Variants in COX19 observed in about 807,000 individuals in gnomAD.
COX19 encodes the protein cytochrome c oxidase assembly protein COX19.
Under a neutral mutation model 6.8 loss-of-function variants are expected in COX19, and 8 were observed. The observed-to-expected ratio is 1.18, with a 90% confidence interval of 0.69 to 2.12. The LOEUF is 2.12. Among genes scored for constraint, COX19 ranks in the 30% most tolerant of loss-of-function variants. The pLI is 0.00. For missense variants in COX19, 131 were observed against 104.6 expected (o/e 1.25, Z -1.10); for synonymous variants, 51 against 38.0 (o/e 1.34, Z -1.26).
chr7:974,627 A>C (rs557379802), intron 1 of COX19, among the ~76,000 whole-genome samples: 2 of 152,292 alleles, frequency 1.3e-5, no homozygotes, highest in African/African-American at 4.8e-5. Context: ...TTGGGAAAGA[A>C]ACAGTAATTC....
chr7:966,933 G>A lies in COX19; in HGVS notation c.*2445C>T, dbSNP rs758574908. 1 of 152,230 alleles carries A rather than the reference G, an allele frequency of 6.6e-6. No homozygotes were observed. The highest frequency in any genetic ancestry group is 1.5e-5 in the Non-Finnish European group (1 of 68,076). 9.4% of individuals were successfully genotyped at this position (152,230 alleles called of 1,614,324 possible). On this transcript the variant is annotated 3_prime_UTR_variant, in exon 3 of 3. Coordinates refer to ENST00000344111, the MANE Select transcript of COX19 (RefSeq NM_001031617.3). The stretch of plus-strand genomic sequence containing the variant: ...TGATCAGACCAGCCATCGCGGTGAT[G>A]TGGTGCTTGGGTCCAAGAAGCTTTT...
At position 964,852 on chromosome 7, in the gene COX19, T is replaced by C. The variant is rs1444339156; in HGVS notation, c.*4526A>G. ...GAACGCTTGGAAAACGCTCTGGAAA[T>C]TGTCTTTGGGAGCCTTTTAATAATG... On this transcript the variant is annotated 3_prime_UTR_variant, in exon 3 of 3. Transcript: ENST00000344111. Among the ~76,000 whole-genome samples the C allele has an allele frequency of 6.6e-6, 1 of 152,236 alleles. No homozygotes were observed. The highest frequency in any genetic ancestry group is 2.4e-5 in the African/African-American group (1 of 41,460).
chr7:973,219 T>C lies in COX19; in HGVS notation c.156A>G (p.Arg52=), dbSNP rs1847659090. 2.5e-6 allele frequency: 4 copies of C among 1,605,918 alleles called. No homozygotes were observed. Among genetic ancestry groups the C allele is most frequent in the Non-Finnish European group, 3.4e-6 (4 of 1,176,570 alleles). The stretch of plus-strand genomic sequence containing the variant: ...ATTCTAAATATTCTTTTGATTCCTT[T>C]CTGCACAAAGCATTTTCAAAATTAT... ...HNNNFENALC[R]KESKEYLECR... is the part of the protein sequence containing the mutation. Residue 52 remains arginine, a synonymous_variant, in exon 2 of 3, where the codon AGA becomes AGG. Coordinates refer to ENST00000344111, the MANE Select transcript of COX19 (RefSeq NM_001031617.3).
intron 2 of COX19, among the ~76,000 whole-genome samples, chr7:971,637 C>T (rs1487132427): frequency 3.9e-5 from 6 of 152,014 alleles, no homozygotes; most frequent in East Asian, 1.9e-4. Flanking sequence ...TTTGGGAGGC[C>T]GAGGTGGGCG....
At position 967,673 on chromosome 7, in the gene COX19, G is replaced by C. The variant is rs908041594; in HGVS notation, c.*1705C>G. The stretch of plus-strand genomic sequence containing the variant: ...TCACATCCTGGTTCATTTACTTTTT[G>C]AGCATGTGAAACCCTCTGCCATGAC... On this transcript the variant is annotated 3_prime_UTR_variant, in exon 3 of 3. Coordinates refer to ENST00000344111, the MANE Select transcript of COX19 (RefSeq NM_001031617.3). 6.6e-6 allele frequency: 1 copy of C among 152,302 alleles called. No homozygotes were observed. Among genetic ancestry groups the C allele is most frequent in the African/African-American group, 2.4e-5 (1 of 41,472 alleles). The allele number at this position is 152,302 out of a possible 1,614,324, so 9.4% of individuals were successfully genotyped here.
At position 969,394 on chromosome 7, in the gene COX19, G is replaced by C. The variant is rs370640497; in HGVS notation, c.257C>G (p.Ser86Ter). The change falls in exon 3 of 3, where the codon TCA becomes TGA. Residue 86 changes from serine (S) to a stop codon, truncating the protein, a stop_gained. Coordinates refer to ENST00000344111, the MANE Select transcript of COX19 (RefSeq NM_001031617.3). LOFTEE classifies it high-confidence loss of function. ...LGFGDLTSGK[S>*]EAKK ...CATCAAAATTCATTTTTTTGCCTCT[G>C]ATTTTCCACTAGTCAAGTCTCCAAA... The C allele has an allele frequency of 2.5e-6, 4 of 1,608,564 alleles. No homozygotes were observed. Among genetic ancestry groups the C allele is most frequent in the Non-Finnish European group, 3.4e-6 (4 of 1,175,140 alleles).
Position 975,504 on chromosome 7 carries a change from C to A in COX19, c.6G>T (p.Ser2=), listed in dbSNP as rs377326731. 1 of 1,602,898 alleles carries A rather than the reference C, an allele frequency of 6.2e-7. No homozygotes were observed. The highest frequency in any genetic ancestry group is 1.1e-5 in the South Asian group (1 of 89,580). Residue 2 remains serine, a synonymous_variant, in exon 1 of 3, where the codon TCG becomes TCT. Coordinates refer to ENST00000344111, the MANE Select transcript of COX19 (RefSeq NM_001031617.3). Reference sequence around the variant, plus strand: ...TCTTGGTCCCGAAATTCATGGCGGTCGACATGTTGGCGACTCCGGAGTCTG... The same window carrying A: ...TCTTGGTCCCGAAATTCATGGCGGTAGACATGTTGGCGACTCCGGAGTCTG... M[S]TAMNFGTKSF... is the part of the protein sequence containing the mutation.
chr7:970,880 A>G (rs1457548930), intron 2 of COX19, among the ~76,000 whole-genome samples: 2 of 152,196 alleles, frequency 1.3e-5, no homozygotes, highest in Non-Finnish European at 2.9e-5. Context: ...TCTTGCCAAA[A>G]TAATTCCCAG....
chr7:972,597 A>C (rs1225543607), intron 2 of COX19: 1 of 152,094 alleles, frequency 6.6e-6, no homozygotes, highest in Non-Finnish European at 1.5e-5. Context: ...TTTTTTTTGC[A>C]TAAGGGATTA....
In COX19 at chr7:964,940, T is replaced by C. The variant is rs1847529480; in HGVS notation, c.*4438A>G. ...AATGCATTCTGCACATGACAGATGA[T>C]GAACTACCCGAAATATCTCGTGAGA... On this transcript the variant is annotated 3_prime_UTR_variant, in exon 3 of 3. Transcript: ENST00000344111. Among the ~76,000 whole-genome samples, 2 of 152,242 alleles carry C rather than the reference T, an allele frequency of 1.3e-5. No individual in the cohort carries two copies. Among genetic ancestry groups the C allele is most frequent in the African/African-American group, 2.4e-5 (1 of 41,462 alleles).
chr7:973,092 A>T, intron 2 of COX19, 89 bp downstream of exon 2: 1 of 807,216 alleles, frequency 1.2e-6, no homozygotes, highest in African/African-American at 1.8e-5. Context: ...CCAGGCCTGA[A>T]AAAGACACAC....
At chr7:975,371 G>T in intron 1 of COX19, 57 bp downstream of exon 1, 1 of 1,400,938 alleles carries the variant, frequency 7.1e-7, no homozygotes, top group Non-Finnish European at 9.7e-7. Flanking sequence ...CTCCGCGCTG[G>T]GCCGCGACCC....
intron 2 of COX19, 90 bp from the exon 3 acceptor site, chr7:969,546 G>T: frequency 1.2e-6 from 1 of 835,012 alleles, no homozygotes; most frequent in Non-Finnish European, 2.0e-6. Context: ...CGCACACCGG[G>T]GGTCCTGCCA....
chr7:969,638 G>A (rs886697178), intron 2 of COX19, among the ~76,000 whole-genome samples, 182 bp from the exon 3 acceptor site: 5 of 152,130 alleles, frequency 3.3e-5, no homozygotes, highest in Non-Finnish European at 7.4e-5. Context: ...GAGTCAACAG[G>A]ACAATGAGGA....
Position 967,097 on chromosome 7 carries a change from T to C in COX19, c.*2281A>G, listed in dbSNP as rs1392889494. On this transcript the variant is annotated 3_prime_UTR_variant, in exon 3 of 3. Transcript: ENST00000344111. ...TAAGAAAAACAGCCAGATGCCGAGG[T>C]TGCTAAGATCTCCGGTAAGAACACA... The C allele has an allele frequency of 6.6e-6, 1 of 152,178 alleles. No individual in the cohort carries two copies. The highest frequency in any genetic ancestry group is 1.5e-5 in the Non-Finnish European group (1 of 68,024). The allele number at this position is 152,178 out of a possible 1,614,324, so 9.4% of individuals were successfully genotyped here.
rs564444572 is a variant in COX19 at position 965,932 on chromosome 7, G to T, written c.*3446C>A. On this transcript the variant is annotated 3_prime_UTR_variant, in exon 3 of 3. Transcript: ENST00000344111. ...GGGATTATAGGCGTGAGCCACTGGCGCCCGGCCCGCTGAGGGTTGTAATCT... is the reference window on the plus strand; with the variant it reads ...GGGATTATAGGCGTGAGCCACTGGCTCCCGGCCCGCTGAGGGTTGTAATCT... 3.0e-4 allele frequency: 45 copies of T among 152,166 alleles called. 2 individuals carry two copies. Among genetic ancestry groups the T allele is most frequent in the African/African-American group, 9.9e-4 (41 of 41,538 alleles). 9.4% of individuals were successfully genotyped at this position (152,166 alleles called of 1,614,324 possible).
In COX19 at chr7:964,936, A is replaced by T. The variant is rs984600064; in HGVS notation, c.*4442T>A. 6.6e-6 allele frequency among the ~76,000 whole-genome samples: 1 copy of T among 152,260 alleles called. No individual in the cohort carries two copies. The highest frequency in any genetic ancestry group is 1.5e-5 in the Non-Finnish European group (1 of 68,044). On this transcript the variant is annotated 3_prime_UTR_variant, in exon 3 of 3. Transcript: ENST00000344111. ...ATAAAATGCATTCTGCACATGACAG[A>T]TGATGAACTACCCGAAATATCTCGT...
Position 969,380 on chromosome 7 carries a change from AT to A in COX19, c.270del (p.Lys90AsnfsTer4). On this transcript the variant is annotated frameshift_variant, in exon 3 of 3. Coordinates refer to ENST00000344111, the MANE Select transcript of COX19 (RefSeq NM_001031617.3). LOFTEE classifies it high-confidence loss of function. ...DLTSGKSEAK[K>X] is the part of the protein sequence containing the mutation. ...CCCAGGGGTCTTCTCATCAAAATTCATTTTTTTGCCTCTGATTTTCCACTAG... is the reference window on the plus strand; with the variant it reads ...CCCAGGGGTCTTCTCATCAAAATTCATTTTTTGCCTCTGATTTTCCACTAG... The A allele has an allele frequency of 1.9e-6, 3 of 1,599,346 alleles. No homozygotes were observed. Among genetic ancestry groups the A allele is most frequent in the South Asian group, 1.1e-5 (1 of 90,784 alleles).
Position 975,410 on chromosome 7 carries a change from C to T in COX19, c.82+18G>A, listed in dbSNP as rs746099658. 1.3e-6 allele frequency: 2 copies of T among 1,571,530 alleles called. No individual in the cohort carries two copies. Among genetic ancestry groups the T allele is most frequent in the South Asian group, 1.2e-5 (1 of 85,680 alleles). On this transcript the variant is annotated intron_variant, in intron 1 of 2. Transcript: ENST00000344111. ...CCCCCCATCGCAGACCCCTGCCCGC[C>T]GACCTTCCGCCGCTCACCTAAGTGA...
Sources: allele counts gnomAD v4.1 joint callset (sites outside exome capture counted in the v4.1 genomes callset), GRCh38; gene constraint gnomAD v4.1.1; transcripts MANE v1.5; gene names NCBI Gene and HGNC (gene_info 2026-07-23, HGNC 2026-07-21).